PTPDC1: variants seen among roughly 807,000 people sequenced by gnomAD.
The protein encoded by PTPDC1 is protein tyrosine phosphatase domain-containing protein 1.
In PTPDC1, 53 loss-of-function variants were observed where a neutral mutation model predicts 75.3. That is an observed-to-expected ratio of 0.70 (90% CI 0.56 to 0.88). The LOEUF (loss-of-function observed/expected upper bound fraction) is 0.88. PTPDC1 is among the 40% of genes least tolerant of loss of function. The pLI is 0.00. For missense variants in PTPDC1, 925 were observed against 998.6 expected, an observed-to-expected ratio of 0.93 and a Z score of 0.99; for synonymous variants, 349 against 366.2, an observed-to-expected ratio of 0.95 and a Z score of 0.54.
At chr9:94,077,677 A>G (rs1826739986) in intron 2 of PTPDC1, among the ~76,000 whole-genome samples, 1 of 152,108 alleles carries the variant, frequency 6.6e-6, no homozygotes, top group Non-Finnish European at 1.5e-5. Context: ...TTTGAACCCT[A>G]TCCTAAGCTT....
intron 1 of PTPDC1, among the ~76,000 whole-genome samples, chr9:94,052,270 A>G (rs749510321): frequency 6.6e-6 from 1 of 152,168 alleles, no homozygotes; most frequent in Non-Finnish European, 1.5e-5. Context: ...AAATATTTCC[A>G]GTTACCCAAC....
At chr9:94,034,393 G>A (rs944755121) in intron 1 of PTPDC1, among the ~76,000 whole-genome samples, 3 of 152,116 alleles carry the variant, frequency 2.0e-5, no homozygotes, top group South Asian at 2.1e-4. Context: ...TTAGTGGAGT[G>A]TGGTAATGCA....
intron 1 of PTPDC1, among the ~76,000 whole-genome samples, chr9:94,042,367 T>C (rs1216320851): frequency 6.6e-6 from 1 of 152,172 alleles, no homozygotes; most frequent in Non-Finnish European, 1.5e-5. Flanking sequence ...CAAGCATGCC[T>C]CAGAGATATT....
At chr9:94,046,111 C>G (rs1315179170) in intron 1 of PTPDC1, among the ~76,000 whole-genome samples, 1 of 152,120 alleles carries the variant, frequency 6.6e-6, no homozygotes, top group South Asian at 2.1e-4. Flanking sequence ...AATCCTTTCC[C>G]CATTGCTTGT....
intron 1 of PTPDC1, among the ~76,000 whole-genome samples, chr9:94,060,513 C>A (rs1315620535): frequency 6.6e-6 from 1 of 152,154 alleles, no homozygotes; most frequent in Non-Finnish European, 1.5e-5. Context: ...TCTCCCGTTG[C>A]TATAAAGGAA....
intron 1 of PTPDC1, among the ~76,000 whole-genome samples, chr9:94,031,409 G>T (rs1829723961): frequency 6.6e-6 from 1 of 151,788 alleles, no homozygotes; most frequent in Non-Finnish European, 1.5e-5. Context: ...GTTGAATATC[G>T]GGATTTTTAT....
At chr9:94,091,027 A>G (rs1420161819) in intron 4 of PTPDC1, among the ~76,000 whole-genome samples, 3 of 152,134 alleles carry the variant, frequency 2.0e-5, no homozygotes, top group South Asian at 4.1e-4. Context: ...TCGTCTGCAA[A>G]CAGGGACAAT....
At position 94,097,784 on chromosome 9, in the gene PTPDC1, G is replaced by A; in HGVS notation, c.1218G>A (p.Val406=). The A allele has an allele frequency of 1.2e-6, 2 of 1,614,162 alleles. No homozygotes were observed. The highest frequency in any genetic ancestry group is 2.2e-5 in the East Asian group (1 of 44,878). ...DVSNPPNPTA[V]AADFDNRGMI... ...CCAACCCGCCTAACCCCACTGCAGTGGCAGCAGATTTTGACAATCGAGGCA... is the reference window on the plus strand; with the variant it reads ...CCAACCCGCCTAACCCCACTGCAGTAGCAGCAGATTTTGACAATCGAGGCA... The change falls in exon 6 of 9, where the codon GTG becomes GTA. Residue 406 remains valine (V), a synonymous_variant. Coordinates refer to ENST00000620992, the MANE Select transcript of PTPDC1 (RefSeq NM_001253829.2).
At chr9:94,037,327 T>C (rs539460674) in intron 1 of PTPDC1, among the ~76,000 whole-genome samples, 1 of 152,346 alleles carries the variant, frequency 6.6e-6, no homozygotes, top group African/African-American at 2.4e-5. Context: ...AATTGTCTTT[T>C]AAAAATAACA....
At chr9:94,074,814 G>A (rs893579231) in intron 2 of PTPDC1, among the ~76,000 whole-genome samples, 3 of 152,170 alleles carry the variant, frequency 2.0e-5, no homozygotes, top group Admixed American at 2.0e-4. Flanking sequence ...GTTCAGTCTT[G>A]TGGACGCCAA....
intron 2 of PTPDC1, among the ~76,000 whole-genome samples, chr9:94,075,421 G>A (rs1826651109): frequency 6.6e-6 from 1 of 152,208 alleles, no homozygotes; most frequent in Non-Finnish European, 1.5e-5. Context: ...ACTGGGGGTT[G>A]GAAGATGATG....
At chr9:94,051,304 C>T (rs553876921) in intron 1 of PTPDC1, among the ~76,000 whole-genome samples, 1 of 152,322 alleles carries the variant, frequency 6.6e-6, no homozygotes, top group African/African-American at 2.4e-5. Flanking sequence ...CTGTGTTGCT[C>T]ATGCTGGGAG....
chr9:94,039,116 T>C (rs1222354983), intron 1 of PTPDC1, among the ~76,000 whole-genome samples: 1 of 152,192 alleles, frequency 6.6e-6, no homozygotes, highest in African/African-American at 2.4e-5. Context: ...TGATTGGGAA[T>C]GGTGCTTTGG....
At chr9:94,067,612 T>C (rs1391292254) in intron 2 of PTPDC1, among the ~76,000 whole-genome samples, 1 of 152,164 alleles carries the variant, frequency 6.6e-6, no homozygotes. Context: ...TTGGTTGCTA[T>C]TTAGCTTCAA....
In PTPDC1 at chr9:94,097,351, C is replaced by T. The variant is rs1465981067; in HGVS notation, c.785C>T (p.Ala262Val). Residue 262 changes from alanine (A) to valine (V), a missense_variant, in exon 6 of 9, where the codon GCA becomes GTA. Physicochemically the swap from Ala to Val is moderately conservative, Grantham distance 64. Coordinates refer to ENST00000620992, the MANE Select transcript of PTPDC1 (RefSeq NM_001253829.2). ...TTAATAGCCTGTTACTTAGTTTTTG[C>T]AACGAGAATGACTGCTGACCAAGCA... is the stretch of plus-strand genomic sequence containing the variant. Reference protein sequence around the residue: ...GVLIACYLVFATRMTADQAII... With the variant: ...GVLIACYLVFVTRMTADQAII... The T allele has an allele frequency of 6.8e-6, 11 of 1,609,292 alleles. No homozygotes were observed. The highest frequency in any genetic ancestry group is 8.5e-7 in the Non-Finnish European group (1 of 1,177,312).
At position 94,097,303 on chromosome 9, in the gene PTPDC1, C is replaced by A; in HGVS notation, c.755-18C>A. 1 of 1,505,510 alleles carries A rather than the reference C, an allele frequency of 6.6e-7. No homozygotes were observed. 93.3% of individuals were successfully genotyped at this position (1,505,510 alleles called of 1,614,324 possible). A position where few individuals can be genotyped will look rare whatever the true frequency, so the allele number is the denominator to read the frequency against. ...TGTAAGCTTTTCTCATACCAGTCTT[C>A]TCTTCTTCACTGTTTAGGTGTTTTA... On this transcript the variant is annotated intron_variant, in intron 5 of 8. Coordinates refer to ENST00000620992, the MANE Select transcript of PTPDC1 (RefSeq NM_001253829.2).
chr9:94,037,545 A>G (rs945342352), intron 1 of PTPDC1, among the ~76,000 whole-genome samples: 10 of 152,158 alleles, frequency 6.6e-5, no homozygotes. Flanking sequence ...TTAATCTAAT[A>G]ATATATGGTA....
chr9:94,087,180 G>A (rs973690817), intron 2 of PTPDC1, among the ~76,000 whole-genome samples: 1 of 152,156 alleles, frequency 6.6e-6, no homozygotes, highest in African/African-American at 2.4e-5. Context: ...AAAATCTCTT[G>A]AGAGTTCTTG....
chr9:94,046,382 A>G (rs1446213865), intron 1 of PTPDC1, among the ~76,000 whole-genome samples: 1 of 152,206 alleles, frequency 6.6e-6, no homozygotes, highest in Admixed American at 6.5e-5. Flanking sequence ...TTCTGTGAAG[A>G]AAGTCATCGG....
Sources: allele counts gnomAD v4.1 joint callset (sites outside exome capture counted in the v4.1 genomes callset), GRCh38; gene constraint gnomAD v4.1.1; transcripts MANE v1.5; gene names NCBI Gene and HGNC (gene_info 2026-07-23, HGNC 2026-07-21).